FAF1: variants seen among roughly 807,000 people sequenced by gnomAD.
The protein encoded by FAF1 is Fas associated factor 1.
In FAF1, 25 loss-of-function variants were observed where a neutral mutation model predicts 92.5. The ratio of observed to expected loss-of-function variants is 0.27; its 90% CI spans 0.20 to 0.38. FAF1 has a LOEUF of 0.38. FAF1 is among the 10% of genes least tolerant of loss of function. The pLI is 1.00. For missense variants in FAF1, 636 were observed against 793.3 expected (o/e 0.80, Z 2.38); for synonymous variants, 234 against 273.2 (o/e 0.86, Z 1.42).
intron 7 of FAF1, among the ~76,000 whole-genome samples, chr1:50,668,539 C>T (rs976961577): frequency 1.3e-5 from 2 of 152,220 alleles, no homozygotes; most frequent in Admixed American, 6.5e-5. Context: ...ACCAAAATTA[C>T]ACACCTAGTT....
chr1:50,631,181 TA>T (rs1312141504), intron 8 of FAF1, among the ~76,000 whole-genome samples: 1 of 152,182 alleles, frequency 6.6e-6, no homozygotes, highest in Non-Finnish European at 1.5e-5. Context: ...GTTCCATTGT[TA>T]TGAAATGGAA....
chr1:50,746,282 ATATATATATATTTTTTTTTTT>A, intron 4 of FAF1, among the ~76,000 whole-genome samples: 1 of 18,686 alleles, frequency 5.4e-5, no homozygotes, highest in African/African-American at 2.8e-4. Flanking sequence ...ATATATATAT[ATATATATATATTTTTTTTTTT>A]TTTTTTTTTT....
chr1:50,540,501 T>A (rs747628630), intron 13 of FAF1, among the ~76,000 whole-genome samples: 71 of 152,274 alleles, frequency 4.7e-4, no homozygotes, highest in Non-Finnish European at 8.1e-4. Flanking sequence ...GTCTTCTAGT[T>A]TCATACTTAG....
chr1:50,475,500 A>T lies in FAF1; in HGVS notation c.1833T>A (p.Asp611Glu), dbSNP rs1318030025. The change falls in exon 18 of 19, where the codon GAT (aspartate) becomes GAA (glutamate). Residue 611 changes from aspartate (D) to glutamate (E), a missense_variant. This residue lies in a region of FAF1 where 319 missense variants were observed against 451.0 expected (regional missense o/e 0.71). Transcript: ENST00000396153. ...DFVASKGFPW[D>E]EYKLLSTFPR... The stretch of plus-strand genomic sequence containing the variant: ...GAAAGGTGCTCAGTAACTTGTACTC[A>T]TCCCATGGAAATCCTTTGGAAGCTA... 3 of 1,613,942 alleles carry T rather than the reference A, an allele frequency of 1.9e-6. No individual in the cohort carries two copies. The highest frequency in any genetic ancestry group is 2.5e-6 in the Non-Finnish European group (3 of 1,179,836).
chr1:50,574,896 C>CTGTTTTTTTTTTTTTTTTTTTTTTT (rs1558000811), intron 12 of FAF1, among the ~76,000 whole-genome samples: 2 of 122,912 alleles, frequency 1.6e-5, no homozygotes, highest in African/African-American at 6.5e-5. Flanking sequence ...GTTGTATTAA[C>CTGTTTTTTTTTTTTTTTTTTTTTTT]TCTTTTTTTT....
At chr1:50,891,718 A>C (rs1644721680) in intron 1 of FAF1, among the ~76,000 whole-genome samples, 1 of 152,172 alleles carries the variant, frequency 6.6e-6, no homozygotes, top group Admixed American at 6.5e-5. Context: ...TTCCTCTTGA[A>C]GTTTCGTCTC....
intron 8 of FAF1, among the ~76,000 whole-genome samples, chr1:50,600,301 A>C (rs1011031293): frequency 1.3e-5 from 2 of 152,224 alleles, no homozygotes; most frequent in Admixed American, 1.3e-4. Flanking sequence ...CAACATTTAG[A>C]AAATCTGCAT....
At chr1:50,537,008 G>A (rs1325724649) in intron 14 of FAF1, among the ~76,000 whole-genome samples, 1 of 150,870 alleles carries the variant, frequency 6.6e-6, no homozygotes, top group East Asian at 2.0e-4. Context: ...ACAGGGTCTC[G>A]CTTTGTTGCC....
chr1:50,448,545 A>C (rs547340258), intron 18 of FAF1, among the ~76,000 whole-genome samples: 38 of 152,134 alleles, frequency 2.5e-4, no homozygotes, highest in South Asian at 1.2e-3. Context: ...AATTTGGGAG[A>C]AGGATCTGAG....
chr1:50,747,741 T>C (rs1236642881), intron 4 of FAF1, among the ~76,000 whole-genome samples: 1 of 152,218 alleles, frequency 6.6e-6, no homozygotes, highest in Non-Finnish European at 1.5e-5. Context: ...TGTTAAATTA[T>C]AATCCTGAGT....
chr1:50,462,278 C>T (rs757554716), intron 18 of FAF1: 2 of 151,844 alleles, frequency 1.3e-5, no homozygotes, highest in African/African-American at 4.8e-5. Context: ...CATTTTATAT[C>T]GATTTTTAAA....
intron 1 of FAF1, among the ~76,000 whole-genome samples, chr1:50,939,859 A>T (rs1645116644): frequency 6.6e-6 from 1 of 152,206 alleles, no homozygotes; most frequent in South Asian, 2.1e-4. Context: ...AATTCTAGAT[A>T]TATCATTTCA....
chr1:50,776,582 G>A (rs1660971038), intron 4 of FAF1, among the ~76,000 whole-genome samples: 1 of 151,774 alleles, frequency 6.6e-6, no homozygotes. Context: ...AGGTTTTTCT[G>A]AAGTGATACA....
At chr1:50,920,926 G>A (rs1570141888) in intron 1 of FAF1, among the ~76,000 whole-genome samples, 1 of 151,696 alleles carries the variant, frequency 6.6e-6, no homozygotes, top group Non-Finnish European at 1.5e-5. Flanking sequence ...CCTATCACAG[G>A]CAATAAAGTA....
intron 1 of FAF1, among the ~76,000 whole-genome samples, chr1:50,907,061 C>A (rs936995377): frequency 6.6e-6 from 1 of 152,106 alleles, no homozygotes; most frequent in Admixed American, 6.5e-5. Context: ...CCCATCAACA[C>A]CTAGTTTATT....
intron 4 of FAF1, among the ~76,000 whole-genome samples, chr1:50,753,771 T>A (rs1355368154): frequency 6.6e-6 from 1 of 151,444 alleles, no homozygotes; most frequent in Non-Finnish European, 1.5e-5. Context: ...TTTTTTTTTT[T>A]TTTTGAGACA....
At chr1:50,835,169 A>G (rs529383101) in intron 2 of FAF1, among the ~76,000 whole-genome samples, 1 of 152,326 alleles carries the variant, frequency 6.6e-6, no homozygotes, top group Non-Finnish European at 1.5e-5. Flanking sequence ...CATTCTATCA[A>G]TGAAGAGAAG....
intron 8 of FAF1, among the ~76,000 whole-genome samples, chr1:50,646,747 G>A (rs570066136): frequency 9.9e-5 from 15 of 152,148 alleles, no homozygotes; most frequent in Non-Finnish European, 1.9e-4. Context: ...ATCAATCTCT[G>A]AGAAGCAAGA....
At chr1:50,700,011 T>C (rs1657396412) in intron 7 of FAF1, among the ~76,000 whole-genome samples, 1 of 152,148 alleles carries the variant, frequency 6.6e-6, no homozygotes, top group African/African-American at 2.4e-5. Context: ...CCTATATTCA[T>C]GGTGCTTAAA....
Sources: gnomAD v4.1 joint callset for allele counts (sites outside exome capture counted in the v4.1 genomes callset) on GRCh38, gnomAD v4.1.1 for gene constraint, gnomAD v4.1.1 regional missense constraint, MANE v1.5 for transcripts, NCBI Gene and HGNC (gene_info 2026-07-23, HGNC 2026-07-21) for gene names.